The following ZNF236 variants were observed in gnomAD, a reference collection of about 807,000 sequenced individuals.
ZNF236 encodes regulated by glucose.
In ZNF236, 50 loss-of-function variants were observed where a neutral mutation model predicts 191.2. That is an observed-to-expected ratio of 0.26 (90% CI 0.21 to 0.33). The LOEUF is 0.33. Among genes scored for constraint, ZNF236 ranks in the 10% least tolerant of loss-of-function variants. The probability of loss-of-function intolerance (pLI) is 1.00; values close to 1 mark genes in which losing one functional copy is unlikely to be tolerated. For missense variants in ZNF236, 1,754 were observed against 2,374.5 expected, an observed-to-expected ratio of 0.74 and a Z score of 5.43; for synonymous variants, 907 against 928.8, an observed-to-expected ratio of 0.98 and a Z score of 0.43.
rs767245860 is a variant in ZNF236 at position 76,927,429 on chromosome 18, C to T, written c.4326C>T (p.Gly1442=). 3.7e-6 allele frequency: 6 copies of T among 1,614,088 alleles called. No individual in the cohort carries two copies. The Admixed American group carries it at 1.0e-4, about 27-fold the overall frequency. The change falls in exon 24 of 31, where the codon GGC becomes GGT. Residue 1442 remains glycine, a synonymous_variant. Coordinates refer to ENST00000320610, the MANE Select transcript of ZNF236 (RefSeq NM_001306089.2). The surrounding 1 kb of genome is among the most constrained non-coding windows in gnomAD (Gnocchi z 5.4). Reference sequence around the variant, plus strand: ...GTGTTGTCATCCAGCCCATCTCAGGCCTGTCCTTACAGCCCACAGTGACCT... The same window carrying T: ...GTGTTGTCATCCAGCCCATCTCAGGTCTGTCCTTACAGCCCACAGTGACCT... ...PASVVIQPIS[G]LSLQPTVTSA...
At chr18:76,932,590 G>A (rs952401858) in intron 25 of ZNF236, among the ~76,000 whole-genome samples, 1 of 152,200 alleles carries the variant, frequency 6.6e-6, no homozygotes, top group East Asian at 1.9e-4. Flanking sequence ...GTCGCTCGTG[G>A]TGCAGGGCTC....
At position 76,905,379 on chromosome 18, in the gene ZNF236, C is replaced by T; in HGVS notation, c.2261C>T (p.Thr754Ile). 1 of 1,614,140 alleles carries T rather than the reference C, an allele frequency of 6.2e-7. No individual in the cohort carries two copies. The highest frequency in any genetic ancestry group is 8.5e-7 in the Non-Finnish European group (1 of 1,180,004). The change falls in exon 13 of 31, where the codon ACT (threonine) becomes ATT (isoleucine). Residue 754 changes from threonine (T) to isoleucine (I), a missense_variant. Thr to Ile is a moderately conservative substitution (Grantham distance 89). This residue lies in a region of ZNF236 where 641 missense variants were observed against 869.6 expected (regional missense o/e 0.74). Transcript: ENST00000320610. ...CCCTATTGCCAAAAAACATTTAAGA[C>T]TTCACTAAATTGCAAAAAGCACATG... ...MCPYCQKTFK[T>I]SLNCKKHMKT...
At chr18:76,866,423 T>TG (rs542485322) in intron 3 of ZNF236, among the ~76,000 whole-genome samples, 2,416 of 151,974 alleles carry the variant, frequency 0.016, 31 homozygotes, top group Middle Eastern at 0.02. Context: ...AGGATGATGA[T>TG]GGGGGGGATC....
chr18:76,921,825 T>TCCGA (rs2035734009), intron 20 of ZNF236, among the ~76,000 whole-genome samples: 1 of 128,158 alleles, frequency 7.8e-6, no homozygotes, highest in South Asian at 2.6e-4. Flanking sequence ...CAGTGCAAAC[T>TCCGA]CCGAGAACGG....
intron 1 of ZNF236, among the ~76,000 whole-genome samples, chr18:76,847,579 T>C (rs11662058): frequency 0.44 from 67,021 of 151,976 alleles, 15,131 homozygotes; most frequent in East Asian, 0.54. Context: ...CTTTCTCCTG[T>C]GTCAGCCTCC....
chr18:76,857,239 C>G (rs1320037036), intron 3 of ZNF236, among the ~76,000 whole-genome samples: 1 of 152,178 alleles, frequency 6.6e-6, no homozygotes, highest in East Asian at 1.9e-4. Context: ...GCAGCACCAG[C>G]ATTATTACTC....
At chr18:76,910,596 T>C in intron 15 of ZNF236, 64 bp from the exon 16 acceptor site, 1 of 1,512,218 alleles carries the variant, frequency 6.6e-7, no homozygotes, top group Non-Finnish European at 9.0e-7. Flanking sequence ...ATAAACCTTT[T>C]CTTAGAACAT....
intron 27 of ZNF236, among the ~76,000 whole-genome samples, chr18:76,948,688 C>T (rs765557583): frequency 3.9e-5 from 6 of 152,154 alleles, no homozygotes; most frequent in Admixed American, 6.5e-5. Context: ...TGTGTGACAC[C>T]GCCTGCCAAG....
At chr18:76,891,626 C>T (rs1215425776) in intron 9 of ZNF236, among the ~76,000 whole-genome samples, 2 of 152,178 alleles carry the variant, frequency 1.3e-5, no homozygotes, top group Non-Finnish European at 2.9e-5. Flanking sequence ...AATCCTCCTG[C>T]CTTGGCCTCC....
At chr18:76,920,947 A>T (rs1420174484) in intron 20 of ZNF236, among the ~76,000 whole-genome samples, 1 of 152,240 alleles carries the variant, frequency 6.6e-6, no homozygotes, top group African/African-American at 2.4e-5. Context: ...GTGTTTCTGT[A>T]TATAACAGGG....
At chr18:76,915,194 C>G (rs1967324815) in intron 18 of ZNF236, among the ~76,000 whole-genome samples, 1 of 152,158 alleles carries the variant, frequency 6.6e-6, no homozygotes, top group Non-Finnish European at 1.5e-5. Context: ...GAAAGTAAAG[C>G]TGTATAGAAG....
At chr18:76,908,217 A>G (rs1967111030) in intron 13 of ZNF236, 103 bp from the exon 14 acceptor site, 3 of 1,415,070 alleles carry the variant, frequency 2.1e-6, no homozygotes, top group Admixed American at 2.2e-5. Flanking sequence ...AATCATTAAT[A>G]AAAAATGTTA....
intron 26 of ZNF236, among the ~76,000 whole-genome samples, chr18:76,939,735 G>A (rs1292974077): frequency 6.6e-6 from 1 of 152,074 alleles, no homozygotes; most frequent in Non-Finnish European, 1.5e-5. Flanking sequence ...GGTGTAATGT[G>A]CATTGGGCTT....
chr18:76,852,529 A>G (rs978523345), intron 3 of ZNF236, among the ~76,000 whole-genome samples: 1 of 152,070 alleles, frequency 6.6e-6, no homozygotes, highest in Admixed American at 6.6e-5. Flanking sequence ...CGTCAGGTGC[A>G]GTGGCTCATG....
Position 76,880,067 on chromosome 18 carries a change from TGAA to T in ZNF236, c.985-43_985-41del. ...TTTTTTTTAATTTTCCTTTTTAAAT[TGAA>T]GAGCAAAATTGTATTTTTAATGAAA... is the stretch of plus-strand genomic sequence containing the variant. On this transcript the variant is annotated intron_variant, in intron 7 of 30. Coordinates refer to ENST00000320610, the MANE Select transcript of ZNF236 (RefSeq NM_001306089.2). This position sits in a 1 kb window ranked among gnomAD's most constrained non-coding sequence, Gnocchi z 5.0. The T allele has an allele frequency of 6.5e-7, 1 of 1,536,534 alleles. No individual in the cohort carries two copies. Among genetic ancestry groups the T allele is most frequent in the Non-Finnish European group, 8.8e-7 (1 of 1,133,196 alleles).
At chr18:76,957,404 G>A (rs544780447) in intron 28 of ZNF236, among the ~76,000 whole-genome samples, 20 of 152,204 alleles carry the variant, frequency 1.3e-4, no homozygotes, top group Non-Finnish European at 1.8e-4. Flanking sequence ...TGGTGCTTGC[G>A]GTGGCTCCTC....
In ZNF236 at chr18:76,900,983, A is replaced by G. The variant is rs751769493; in HGVS notation, c.1894+1761A>G. On this transcript the variant is annotated intron_variant, in intron 11 of 30. Transcript: ENST00000320610. ...CCTAGATCCCTCACATGCACAGTGC[A>G]CAATAGGGTTCGCACTCCTGTGAGA... Among the ~76,000 whole-genome samples the G allele has an allele frequency of 4.1e-4, 62 of 152,194 alleles. 1 individual carries two copies. The highest frequency in any genetic ancestry group is 1.2e-4 in the Non-Finnish European group (8 of 68,046).
chr18:76,912,431 C>T (rs1423738477), intron 17 of ZNF236, 84 bp downstream of exon 17: 3 of 914,346 alleles, frequency 3.3e-6, no homozygotes, highest in Non-Finnish European at 5.1e-6. Flanking sequence ...TCCAAGGGCT[C>T]TGCGATTTCA....
intron 6 of ZNF236, among the ~76,000 whole-genome samples, chr18:76,876,632 C>G (rs911703751): frequency 1.3e-5 from 2 of 152,180 alleles, no homozygotes; most frequent in African/African-American, 4.8e-5. Context: ...TTTTTAGTAT[C>G]TAAGACCCAG....
Sources: allele counts gnomAD v4.1 joint callset (sites outside exome capture counted in the v4.1 genomes callset), GRCh38; gene constraint gnomAD v4.1.1; regional missense constraint gnomAD v4.1.1; non-coding constraint Gnocchi (gnomAD v3.1); transcripts MANE v1.5; gene names NCBI Gene and HGNC (gene_info 2026-07-23, HGNC 2026-07-21).